BTN2A1: variants seen among roughly 807,000 people sequenced by gnomAD.
BTN2A1 encodes the protein butyrophilin subfamily 2 member A1, also known as butyrophilin, subfamily 2, member A1.
In BTN2A1, 41 loss-of-function variants were observed where a neutral mutation model predicts 34.5. That is an observed-to-expected ratio of 1.19 (90% CI 0.93 to 1.54). BTN2A1 has a LOEUF of 1.54. BTN2A1 is among the 40% of genes most tolerant of loss of function. The pLI is 0.00. For missense variants in BTN2A1, 642 were observed against 662.0 expected (o/e 0.97, Z 0.33); for synonymous variants, 267 against 258.6 (o/e 1.03, Z -0.31).
At chr6:26,475,056 C>T (rs1763515751) in intron 7 of BTN2A1, among the ~76,000 whole-genome samples, 1 of 152,176 alleles carries the variant, frequency 6.6e-6, no homozygotes, top group African/African-American at 2.4e-5. Flanking sequence ...AGCCACTGCC[C>T]CCAGCCAGGA....
chr6:26,458,236 C>G (rs3857552), intron 1 of BTN2A1, 94 bp downstream of exon 1: 1 of 210,248 alleles, frequency 4.8e-6, no homozygotes, highest in Non-Finnish European at 9.7e-6. Context: ...GGTCCTGGGA[C>G]AGGGAAAGCC....
downstream of BTN2A1, among the ~76,000 whole-genome samples, chr6:26,473,971 C>G (rs1421749426): frequency 6.8e-6 from 1 of 147,082 alleles, no homozygotes; most frequent in Non-Finnish European, 1.5e-5. Flanking sequence ...AAAGAGGATT[C>G]TCTTAGTGTT....
intron 2 of BTN2A1, among the ~76,000 whole-genome samples, chr6:26,459,153 C>T (rs2113853709): frequency 6.6e-6 from 1 of 152,248 alleles, no homozygotes; most frequent in East Asian, 1.9e-4. Context: ...GGATATGTGT[C>T]CTATTGCACG....
At chr6:26,472,323 C>T (rs932288673), downstream of BTN2A1, among the ~76,000 whole-genome samples, 10 of 152,126 alleles carry the variant, frequency 6.6e-5, no homozygotes, top group African/African-American at 1.9e-4. Context: ...CTTGGCTTCC[C>T]CTGTCTACAA....
chr6:26,465,757 A>G (rs1323730567), intron 5 of BTN2A1, 196 bp from the exon 6 acceptor site: 1 of 945,420 alleles, frequency 1.1e-6, no homozygotes, highest in Non-Finnish European at 1.3e-6. Flanking sequence ...TGGTTGAGCA[A>G]AAGCAAGTGT....
Position 26,469,276 on chromosome 6 carries a change from TGAGCCAAGGAG to T in BTN2A1, c.*728_*738del. 2 of 996,884 alleles carry T rather than the reference TGAGCCAAGGAG, an allele frequency of 2.0e-6. No homozygotes were observed. The highest frequency in any genetic ancestry group is 1.1e-4 in the East Asian group (1 of 9,394). The allele number at this position is 996,884 out of a possible 1,614,324, so 61.8% of individuals were successfully genotyped here. ...TGTGGCTGAAATTTGAGGTCCTGGC[TGAGCCAAGGAG>T]TAATGGACCAGATCTACCTCAGTAT... On this transcript the variant is annotated 3_prime_UTR_variant, in exon 8 of 8. Coordinates refer to ENST00000312541, the MANE Select transcript of BTN2A1 (RefSeq NM_007049.5).
chr6:26,467,883 T>C, intron 7 of BTN2A1, 65 bp from the exon 8 acceptor site: 2 of 1,573,704 alleles, frequency 1.3e-6, no homozygotes, highest in Non-Finnish European at 1.7e-6. Flanking sequence ...TCTCTGGGGA[T>C]CAGGAACCAC....
At chr6:26,471,075 A>G (rs1177739562), downstream of BTN2A1, among the ~76,000 whole-genome samples, 1 of 152,214 alleles carries the variant, frequency 6.6e-6, no homozygotes, top group Non-Finnish European at 1.5e-5. Flanking sequence ...TCCAGTTGTA[A>G]AACTGGGTTG....
rs1000091952 is a variant in BTN2A1 at position 26,474,829 on chromosome 6, A to G, written c.983-1293A>G. On this transcript the variant is annotated intron_variant, in intron 7 of 7. Coordinates refer to the BTN2A1 transcript ENST00000469185. Reference sequence around the variant, plus strand: ...CAGTGACACAATCTCGGCTCACTGCAGCATCCACCTTCCCAGCCAAGCAAT... The same window carrying G: ...CAGTGACACAATCTCGGCTCACTGCGGCATCCACCTTCCCAGCCAAGCAAT... Among the ~76,000 whole-genome samples the G allele has an allele frequency of 4.0e-5, 6 of 149,590 alleles. No individual in the cohort carries two copies. The East Asian group carries it at 1.2e-3, about 30-fold the overall frequency.
intron 7 of BTN2A1, among the ~76,000 whole-genome samples, chr6:26,467,284 C>G (rs1404915307): frequency 6.6e-6 from 1 of 152,040 alleles, no homozygotes; most frequent in Non-Finnish European, 1.5e-5. Context: ...AAAGAAAATC[C>G]CAGAGATCAT....
downstream of BTN2A1, among the ~76,000 whole-genome samples, chr6:26,472,762 G>A (rs760093820): frequency 2.6e-5 from 4 of 152,116 alleles, no homozygotes; most frequent in African/African-American, 4.8e-5. Flanking sequence ...TACACTAGAC[G>A]TTGAAGGGTG....
At chr6:26,467,766 G>C in intron 7 of BTN2A1, 182 bp from the exon 8 acceptor site, 14 of 1,577,644 alleles carry the variant, frequency 8.9e-6, no homozygotes, top group Non-Finnish European at 1.2e-5. Context: ...TCTCTGGAGA[G>C]ACAGAAGTGC....
Position 26,468,422 on chromosome 6 carries a change from C to T in BTN2A1, c.1457C>T (p.Pro486Leu). Residue 486 changes from proline (P) to leucine (L), a missense_variant, in exon 8 of 8, where the codon CCC becomes CTC. Physicochemically the swap from Pro to Leu is moderately conservative, Grantham distance 98. Coordinates refer to ENST00000312541, the MANE Select transcript of BTN2A1 (RefSeq NM_007049.5). ...PRSAFSVPVR[P>L]FFRLGCEDSP... ...TCAGCCTTTTCCGTGCCTGTGAGGC[C>T]CTTCTTCAGGTTGGGGTGTGAGGAC... 1 of 1,614,144 alleles carries T rather than the reference C, an allele frequency of 6.2e-7. No individual in the cohort carries two copies. Among genetic ancestry groups the T allele is most frequent in the South Asian group, 1.1e-5 (1 of 91,076 alleles).
At chr6:26,466,140 C>T in intron 7 of BTN2A1, 52 bp downstream of exon 7, 1 of 1,612,446 alleles carries the variant, frequency 6.2e-7, no homozygotes, top group Non-Finnish European at 8.5e-7. Context: ...CACTAGCCAG[C>T]TAACAGGACT....
chr6:26,463,482 C>T lies in BTN2A1; in HGVS notation c.669C>T (p.Asn223=), dbSNP rs1291796902. The change falls in exon 4 of 8, where the codon AAC becomes AAT. Residue 223 remains asparagine, a synonymous_variant. Transcript: ENST00000312541. ...GGAACATGTCCTGCTCTATCAACAA[C>T]ACCCTGCTCGGCCAGAAGAAAGAAA... ...SVRNMSCSIN[N]TLLGQKKESV... The T allele has an allele frequency of 4.3e-6, 7 of 1,614,006 alleles. No individual in the cohort carries two copies. In the South Asian group the frequency reaches 6.6e-5, roughly 15 times the overall value.
At chr6:26,471,603 C>T (rs1763452043), downstream of BTN2A1, among the ~76,000 whole-genome samples, 1 of 151,792 alleles carries the variant, frequency 6.6e-6, no homozygotes, top group Non-Finnish European at 1.5e-5. Flanking sequence ...CACCACTGCA[C>T]TCTAGCCTGA....
chr6:26,462,985 G>A, intron 3 of BTN2A1: 1 of 1,091,726 alleles, frequency 9.2e-7, no homozygotes, highest in Non-Finnish European at 1.2e-6. Context: ...CCTATAGGTG[G>A]ACCGCAAAGA....
In BTN2A1 at chr6:26,468,834, TG is replaced by T. The variant is rs1763398181; in HGVS notation, c.*288del. 2.6e-6 allele frequency: 4 copies of T among 1,532,158 alleles called. No individual in the cohort carries two copies. Among genetic ancestry groups the T allele is most frequent in the Non-Finnish European group, 2.6e-6 (3 of 1,133,342 alleles). 94.9% of individuals were successfully genotyped at this position (1,532,158 alleles called of 1,614,324 possible). On this transcript the variant is annotated 3_prime_UTR_variant, in exon 8 of 8. Transcript: ENST00000312541. ...CCAAGAAGAAAGTGTGAGAAGTTGA[TG>T]GGCAGCAAACCTGCTGTTTAACATC... is the stretch of plus-strand genomic sequence containing the variant.
chr6:26,466,115 T>G, intron 7 of BTN2A1, 27 bp downstream of exon 7: 1 of 1,612,944 alleles, frequency 6.2e-7, no homozygotes, highest in Middle Eastern at 2.0e-4. Flanking sequence ...TTCCCTCAGA[T>G]CTCAGCTTTC....
Sources: allele counts gnomAD v4.1 joint callset (sites outside exome capture counted in the v4.1 genomes callset), GRCh38; gene constraint gnomAD v4.1.1; transcripts MANE v1.5; gene names NCBI Gene and HGNC (gene_info 2026-07-23, HGNC 2026-07-21).